The following SGCZ variants were observed in gnomAD, a reference collection of about 807,000 sequenced individuals.
The protein encoded by SGCZ is sarcoglycan zeta, also known as zeta-sarcoglycan.
SGCZ carries 40 observed loss-of-function variants against 41.3 expected under a neutral mutation model. That is an observed-to-expected ratio of 0.97 (90% CI 0.75 to 1.26). The LOEUF is 1.26. Among genes scored for constraint, SGCZ ranks in the 50% most tolerant of loss-of-function variants. The pLI, the probability that SGCZ is intolerant of heterozygous loss-of-function variation, is 0.00. For missense variants in SGCZ, 552 were observed against 369.8 expected (o/e 1.49, Z -4.04); for synonymous variants, 206 against 137.5 (o/e 1.50, Z -3.49).
At chr8:14,882,831 C>T (rs17120468) in intron 1 of SGCZ, among the ~76,000 whole-genome samples, 10,504 of 152,098 alleles carry the variant, frequency 0.069, 1,122 homozygotes, top group African/African-American at 0.23. Context: ...GGCTCAGCAT[C>T]ATTTGGATCC....
chr8:14,301,035 G>A (rs1331570974), intron 3 of SGCZ, among the ~76,000 whole-genome samples: 1 of 150,602 alleles, frequency 6.6e-6, no homozygotes, highest in Non-Finnish European at 1.5e-5. Context: ...CTTATGATGT[G>A]AGAATTGACT....
chr8:14,094,440 T>A (rs897020148), intron 7 of SGCZ, among the ~76,000 whole-genome samples: 12 of 152,238 alleles, frequency 7.9e-5, no homozygotes, highest in African/African-American at 2.9e-4. Context: ...TCCAGCATCA[T>A]CCATGTCCCC....
At chr8:14,823,244 C>CA (rs201227370) in intron 1 of SGCZ, among the ~76,000 whole-genome samples, 1,751 of 151,742 alleles carry the variant, frequency 0.012, 16 homozygotes, top group Non-Finnish European at 0.015. Context: ...TTACATCAAA[C>CA]AAAAAAACGT....
intron 4 of SGCZ, among the ~76,000 whole-genome samples, chr8:14,181,338 G>A (rs76294354): frequency 0.021 from 3,262 of 152,226 alleles, 51 homozygotes; most frequent in Middle Eastern, 0.041. Context: ...AAATGGTAAT[G>A]GTGTGCCTTA....
rs79758753 is a variant in SGCZ, at chr8:14,684,700, G to T, written c.40-129774C>A. On this transcript the variant is annotated intron_variant, in intron 1 of 7. Coordinates refer to ENST00000382080, the MANE Select transcript of SGCZ (RefSeq NM_139167.4). ...CGACACCTTTGTTTTTCCTTTTTTT[G>T]TTTTTTTTTGGTTTTTGGTAAAACA... is the stretch of plus-strand genomic sequence containing the variant. 2.3e-3 allele frequency among the ~76,000 whole-genome samples: 340 copies of T among 148,730 alleles called. 3 individuals carry two copies. Among genetic ancestry groups the T allele is most frequent in the East Asian group, 2.0e-3 (10 of 5,100 alleles).
intron 2 of SGCZ, among the ~76,000 whole-genome samples, chr8:14,459,436 T>TA (rs995270839): frequency 1.3e-5 from 2 of 151,002 alleles, no homozygotes; most frequent in African/African-American, 2.4e-5. Flanking sequence ...AAATAAAAAA[T>TA]AAAAAAAGAA....
At chr8:14,527,812 T>G (rs536156924) in intron 2 of SGCZ, among the ~76,000 whole-genome samples, 4 of 152,078 alleles carry the variant, frequency 2.6e-5, no homozygotes, top group African/African-American at 7.2e-5. Flanking sequence ...GTAACCCATG[T>G]CCATAACAAT....
chr8:14,647,555 G>A (rs1009975336), intron 1 of SGCZ, among the ~76,000 whole-genome samples: 1 of 151,914 alleles, frequency 6.6e-6, no homozygotes, highest in African/African-American at 2.4e-5. Context: ...AATGGTACGA[G>A]CCTTCTTCAT....
chr8:14,672,616 TG>T (rs1808140651), intron 1 of SGCZ, among the ~76,000 whole-genome samples: 3 of 152,318 alleles, frequency 2.0e-5, no homozygotes, highest in Admixed American at 2.0e-4. Context: ...TAACTAACTC[TG>T]GCTGGGAAAC....
rs1242557504 is a variant in SGCZ, at chr8:14,297,368, G to A, written c.336+26735C>T. 4.0e-5 allele frequency among the ~76,000 whole-genome samples: 6 copies of A among 151,598 alleles called. No individual in the cohort carries two copies. In the East Asian group the frequency reaches 9.7e-4, roughly 24 times the overall value. On this transcript the variant is annotated intron_variant, in intron 3 of 7. Transcript: ENST00000382080. The stretch of plus-strand genomic sequence containing the variant: ...TTCTAAGAAGCTAGCAAAAAAGGGA[G>A]TAAATTAAATTGCAAAATAAATATA...
intron 2 of SGCZ, among the ~76,000 whole-genome samples, chr8:14,472,506 A>T (rs908428176): frequency 6.6e-6 from 1 of 152,204 alleles, no homozygotes; most frequent in East Asian, 1.9e-4. Flanking sequence ...GATACTTTTA[A>T]CACACAGAAA....
intron 1 of SGCZ, among the ~76,000 whole-genome samples, chr8:15,109,003 T>C (rs901521746): frequency 6.6e-6 from 1 of 152,174 alleles, no homozygotes; most frequent in African/African-American, 2.4e-5. Context: ...CATTTCTACA[T>C]TTTGAGGTTT....
chr8:14,578,530 T>C (rs2117250293), intron 1 of SGCZ, among the ~76,000 whole-genome samples: 1 of 152,310 alleles, frequency 6.6e-6, no homozygotes, highest in African/African-American at 2.4e-5. Context: ...TTATATATTA[T>C]TGTCCCACTC....
chr8:15,116,017 C>A (rs1181493918), intron 1 of SGCZ, among the ~76,000 whole-genome samples: 4 of 152,120 alleles, frequency 2.6e-5, no homozygotes, highest in African/African-American at 9.7e-5. Flanking sequence ...TCAAACTTAG[C>A]CCTTATAGAT....
At chr8:14,416,521 CAG>C (rs1418033084) in intron 2 of SGCZ, among the ~76,000 whole-genome samples, 1 of 151,794 alleles carries the variant, frequency 6.6e-6, no homozygotes, top group Non-Finnish European at 1.5e-5. Context: ...GTGAAGGCCC[CAG>C]ATGCCTCCGA....
At chr8:15,018,493 G>T (rs1018937469) in intron 1 of SGCZ, among the ~76,000 whole-genome samples, 17 of 152,180 alleles carry the variant, frequency 1.1e-4, no homozygotes, top group African/African-American at 3.9e-4. Context: ...GCTGAGACAG[G>T]AATGATAAAG....
rs371036393 is a variant in SGCZ, at chr8:15,051,432, G to C, written c.39+186153C>G. On this transcript the variant is annotated intron_variant, in intron 1 of 7. Transcript: ENST00000382080. The stretch of plus-strand genomic sequence containing the variant: ...CCTCCTCTCGATAGACATGTAGTTT[G>C]TTTACATTTGAAGCCTGTTATAAAT... Among the ~76,000 whole-genome samples, 3 of 151,852 alleles carry C rather than the reference G, an allele frequency of 2.0e-5. No individual in the cohort carries two copies. In the South Asian group the frequency reaches 6.3e-4, roughly 32 times the overall value.
intron 1 of SGCZ, among the ~76,000 whole-genome samples, chr8:14,594,151 G>C (rs10097787): frequency 0.031 from 4,606 of 149,992 alleles, 141 homozygotes; most frequent in African/African-American, 0.083. Context: ...CTCCAGCCTG[G>C]GCAACAGAGC....
chr8:15,032,206 A>T (rs1585493002), intron 1 of SGCZ, among the ~76,000 whole-genome samples: 1 of 152,146 alleles, frequency 6.6e-6, no homozygotes, highest in Admixed American at 6.5e-5. Flanking sequence ...ATCAACTTAT[A>T]TAACTATCCA....
Sources: allele counts gnomAD v4.1 joint callset (sites outside exome capture counted in the v4.1 genomes callset), GRCh38; gene constraint gnomAD v4.1.1; transcripts MANE v1.5; gene names NCBI Gene and HGNC (gene_info 2026-07-23, HGNC 2026-07-21).